The following KDM5A variants were observed in gnomAD, a reference collection of about 807,000 sequenced individuals.
The protein encoded by KDM5A is lysine demethylase 5A, also known as lysine-specific demethylase 5A.
In KDM5A, 42 loss-of-function variants were observed where a neutral mutation model predicts 193.5. That is an observed-to-expected ratio of 0.22 (90% CI 0.17 to 0.28). The LOEUF (loss-of-function observed/expected upper bound fraction) is 0.28, where lower values mean the gene tolerates loss of function less well. Ranked by LOEUF, KDM5A falls within the 10% of genes least tolerant of loss-of-function variation. The pLI is 1.00. For missense variants in KDM5A, 1,692 were observed against 2,055.1 expected, an observed-to-expected ratio of 0.82 and a Z score of 3.42; for synonymous variants, 796 against 718.1, an observed-to-expected ratio of 1.11 and a Z score of -1.73.
At chr12:333,109 G>C in intron 12 of KDM5A, 1 of 266,230 alleles carries the variant, frequency 3.8e-6, no homozygotes, top group Non-Finnish European at 7.4e-6. Flanking sequence ...CTAATCAAAA[G>C]CTAAAATAAC....
At chr12:325,360 C>A (rs1231883377) in intron 14 of KDM5A, among the ~76,000 whole-genome samples, 1 of 152,174 alleles carries the variant, frequency 6.6e-6, no homozygotes, top group Middle Eastern at 3.2e-3. Flanking sequence ...CTCCAAGGAT[C>A]GGATCCTAAA....
chr12:294,405 AC>A (rs1943343437), intron 26 of KDM5A, among the ~76,000 whole-genome samples: 1 of 152,216 alleles, frequency 6.6e-6, no homozygotes. Context: ...TTTGACAGGA[AC>A]CTAAGAATCA....
chr12:350,691 A>T lies in KDM5A; in HGVS notation c.1238T>A (p.Ile413Asn). 6.2e-7 allele frequency: 1 copy of T among 1,613,992 alleles called. No individual in the cohort carries two copies. Among genetic ancestry groups the T allele is most frequent in the East Asian group, 2.2e-5 (1 of 44,868 alleles). Residue 413 changes from isoleucine (I) to asparagine (N), a missense_variant, in exon 10 of 28, where the codon ATC (isoleucine) becomes AAC (asparagine). Around this residue, in one of 11 missense-constraint regions of KDM5A, gnomAD observed 172 missense variants for 260.3 expected, o/e 0.66. Transcript: ENST00000399788. The part of the protein sequence containing the change: ...EDVIVEYGAD[I>N]SSKDFGSGFP... ...TCCACTTCCAAAGTCTTTTGAGGAG[A>T]TATCTGCTCCATATTCCACAATAAC...
chr12:323,884 A>C, intron 14 of KDM5A, 103 bp from the exon 15 acceptor site: 1 of 889,062 alleles, frequency 1.1e-6, no homozygotes, highest in East Asian at 2.5e-5. Context: ...TCTGACTTAA[A>C]GGTATAAACA....
chr12:307,627 C>G lies in KDM5A; in HGVS notation c.3757G>C (p.Ala1253Pro). Residue 1253 changes from alanine to proline, a missense_variant, in exon 23 of 28, where the codon GCT (alanine) becomes CCT (proline). Around this residue, in one of 11 missense-constraint regions of KDM5A, gnomAD observed 965 missense variants for 1,061.0 expected, o/e 0.91. Transcript: ENST00000399788. This position sits in a 1 kb window ranked among gnomAD's most constrained non-coding sequence, Gnocchi z 4.3. ...GEALQCLTER[A>P]MSWQDRARQA... is the part of the protein sequence containing the mutation. ...CGCGCTCTATCTTGCCAACTCATAG[C>G]ACGTTCTGTCAAACACTGCAGGGCC... The G allele has an allele frequency of 1.2e-6, 2 of 1,614,178 alleles. No homozygotes were observed. The highest frequency in any genetic ancestry group is 1.7e-6 in the Non-Finnish European group (2 of 1,180,028).
At chr12:377,537 T>C (rs1305193706) in intron 3 of KDM5A, among the ~76,000 whole-genome samples, 4 of 152,166 alleles carry the variant, frequency 2.6e-5, no homozygotes, top group African/African-American at 9.7e-5. Context: ...ATCGTTCTTC[T>C]CACCAACAAG....
intron 22 of KDM5A, 124 bp from the exon 23 acceptor site, chr12:308,129 G>T (rs1339538583): frequency 4.9e-6 from 5 of 1,030,028 alleles, no homozygotes; most frequent in Non-Finnish European, 7.2e-6. Context: ...TAAAATGTGG[G>T]GCCCCTGGCG....
rs921148445 is a variant in KDM5A at position 280,571 on chromosome 12, C to T, written c.*4885G>A. 1.7e-5 allele frequency: 4 copies of T among 232,948 alleles called. No homozygotes were observed. The highest frequency in any genetic ancestry group is 1.2e-3 in the Middle Eastern group (1 of 808). The allele number at this position is 232,948 out of a possible 1,614,324, so 14.4% of individuals were successfully genotyped here. ...AGTCTTAACATTTTCAGAAATGATC[C>T]GTCCTTCATATCTGCATAAGCTGGG... On this transcript the variant is annotated 3_prime_UTR_variant, in exon 28 of 28. Coordinates refer to ENST00000399788, the MANE Select transcript of KDM5A (RefSeq NM_001042603.3).
At chr12:343,531 C>A (rs1433604589) in intron 10 of KDM5A, among the ~76,000 whole-genome samples, 2 of 152,162 alleles carry the variant, frequency 1.3e-5, no homozygotes, top group Non-Finnish European at 2.9e-5. Context: ...TTCATATAGA[C>A]AGCTGCCACT....
intron 10 of KDM5A, 41 bp from the exon 11 acceptor site, chr12:334,463 GA>G (rs757691998): frequency 6.4e-7 from 1 of 1,553,816 alleles, no homozygotes; most frequent in South Asian, 1.1e-5. Context: ...GATCAGAAAT[GA>G]AAAGTGCTCA....
At chr12:379,351 A>T (rs1944547174) in intron 3 of KDM5A, among the ~76,000 whole-genome samples, 1 of 152,232 alleles carries the variant, frequency 6.6e-6, no homozygotes, top group African/African-American at 2.4e-5. Context: ...CCCAATGATA[A>T]AGGTCAGAAT....
intron 3 of KDM5A, among the ~76,000 whole-genome samples, chr12:367,825 G>C (rs1040723947): frequency 1.1e-4 from 16 of 151,350 alleles, no homozygotes; most frequent in Non-Finnish European, 1.8e-4. Context: ...TCACACCCCT[G>C]CACTCTGGCC....
In KDM5A at chr12:298,114, G is replaced by A. The variant is rs188159751; in HGVS notation, c.4075-914C>T. Among the ~76,000 whole-genome samples, 356 of 152,324 alleles carry A rather than the reference G, an allele frequency of 2.3e-3. 2 individuals are homozygous for A. Among genetic ancestry groups the A allele is most frequent in the African/African-American group, 7.7e-3 (319 of 41,572 alleles). ...CCTGGGGGAAGGGGCGGCTGTGGGCGCAGCTTCAGCAGACTTAAATGTCCC... is the reference window on the plus strand; with the variant it reads ...CCTGGGGGAAGGGGCGGCTGTGGGCACAGCTTCAGCAGACTTAAATGTCCC... On this transcript the variant is annotated intron_variant, in intron 24 of 27. Coordinates refer to ENST00000399788, the MANE Select transcript of KDM5A (RefSeq NM_001042603.3).
At chr12:380,261 CAA>C (rs776295511) in intron 3 of KDM5A, among the ~76,000 whole-genome samples, 21 of 74,412 alleles carry the variant, frequency 2.8e-4, no homozygotes, top group Admixed American at 5.6e-4. Context: ...ACTCCGTCTC[CAA>C]AAAAAAAAAA....
chr12:388,372 C>T (rs758447175), intron 1 of KDM5A: 36 of 445,530 alleles, frequency 8.1e-5, no homozygotes, highest in South Asian at 5.5e-4. Context: ...ACCAATTTTT[C>T]CTAAACCTCT....
chr12:317,990 T>C (rs1259200292), intron 19 of KDM5A, 116 bp downstream of exon 19: 6 of 789,126 alleles, frequency 7.6e-6, no homozygotes, highest in Non-Finnish European at 1.1e-5. Context: ...TACATTAAAA[T>C]CCTAAACGCA....
intron 10 of KDM5A, among the ~76,000 whole-genome samples, chr12:334,833 A>G (rs1421061281): frequency 6.6e-6 from 1 of 152,204 alleles, no homozygotes; most frequent in African/African-American, 2.4e-5. Flanking sequence ...AATATACATA[A>G]TCTTGAACTT....
chr12:381,222 G>A (rs748463247), intron 3 of KDM5A, among the ~76,000 whole-genome samples: 14 of 152,018 alleles, frequency 9.2e-5, no homozygotes, highest in Non-Finnish European at 1.6e-4. Context: ...TCGAACTCCC[G>A]ACCTCAAGTG....
chr12:326,749 T>C (rs927502186), intron 14 of KDM5A, among the ~76,000 whole-genome samples: 4 of 151,336 alleles, frequency 2.6e-5, no homozygotes, highest in African/African-American at 9.7e-5. Flanking sequence ...TAGTCCCAGC[T>C]ACTCGGGAGG....
Sources: allele counts gnomAD v4.1 joint callset (sites outside exome capture counted in the v4.1 genomes callset), GRCh38; gene constraint gnomAD v4.1.1; regional missense constraint gnomAD v4.1.1; non-coding constraint Gnocchi (gnomAD v3.1); transcripts MANE v1.5; gene names NCBI Gene and HGNC (gene_info 2026-07-23, HGNC 2026-07-21).